Variants in PLPPR5 observed in about 807,000 individuals in gnomAD.
The protein encoded by PLPPR5 is phospholipid phosphatase-related protein type 5.
In PLPPR5, 16 loss-of-function variants were observed where a neutral mutation model predicts 33.9. That is an observed-to-expected ratio of 0.47 (90% CI 0.32 to 0.72). PLPPR5 has a LOEUF of 0.72. Among genes scored for constraint, PLPPR5 ranks in the 30% least tolerant of loss-of-function variants. The pLI is 0.03. For missense variants in PLPPR5, 301 were observed against 406.7 expected, an observed-to-expected ratio of 0.74 and a Z score of 2.23; for synonymous variants, 163 against 150.3, an observed-to-expected ratio of 1.08 and a Z score of -0.62.
Position 98,922,073 on chromosome 1 carries a change from A to AT in PLPPR5, c.622-16_622-15insA. 2 of 1,464,142 alleles carry AT rather than the reference A, an allele frequency of 1.4e-6. No homozygotes were observed. Among genetic ancestry groups the AT allele is most frequent in the Non-Finnish European group, 1.8e-6 (2 of 1,110,312 alleles). The allele number at this position is 1,464,142 out of a possible 1,614,324, so 90.7% of individuals were successfully genotyped here. ...GTGATGTACATCTGAAACATTCAATAAAAAAAATGACTTTTCATGAAGGTA... is the reference window on the plus strand; with the variant it reads ...GTGATGTACATCTGAAACATTCAATATAAAAAAATGACTTTTCATGAAGGTA... On this transcript the variant is annotated splice_polypyrimidine_tract_variant and intron_variant, in intron 3 of 5. Transcript: ENST00000263177.
chr1:98,905,393 G>A (rs1648857897), intron 5 of PLPPR5, among the ~76,000 whole-genome samples: 1 of 152,078 alleles, frequency 6.6e-6, no homozygotes, highest in Non-Finnish European at 1.5e-5. Flanking sequence ...TGACATGTGT[G>A]TTGTTTACAT....
chr1:98,977,547 C>G (rs910809905), intron 1 of PLPPR5, among the ~76,000 whole-genome samples: 1 of 147,928 alleles, frequency 6.8e-6, no homozygotes, highest in African/African-American at 2.5e-5. Flanking sequence ...TGCTATGATG[C>G]TTAGATAATA....
intron 3 of PLPPR5, 22 bp downstream of exon 3, chr1:98,953,048 C>T: frequency 6.2e-7 from 1 of 1,612,578 alleles, no homozygotes; most frequent in Non-Finnish European, 8.5e-7. Context: ...ACTAAGACAA[C>T]AAATTTATAA....
At chr1:98,915,415 A>G (rs1475491927) in intron 4 of PLPPR5, among the ~76,000 whole-genome samples, 1 of 152,160 alleles carries the variant, frequency 6.6e-6, no homozygotes, top group African/African-American at 2.4e-5. Flanking sequence ...CTTATCGTCT[A>G]TTATTGTGTC....
intron 1 of PLPPR5, among the ~76,000 whole-genome samples, chr1:98,994,722 A>G (rs1316021175): frequency 6.6e-6 from 1 of 152,160 alleles, no homozygotes; most frequent in Non-Finnish European, 1.5e-5. Flanking sequence ...CCCACTCCAA[A>G]GTCTTTTTGC....
In PLPPR5 at chr1:98,936,557, A is replaced by G. The variant is rs536941460; in HGVS notation, c.622-14499T>C. Among the ~76,000 whole-genome samples, 19 of 152,334 alleles carry G rather than the reference A, an allele frequency of 1.2e-4. 1 individual carries two copies. The highest frequency in any genetic ancestry group is 1.2e-3 in the Admixed American group (18 of 15,302). Reference sequence around the variant, plus strand: ...GGATCCCCTTCAGGCAGTATCTCCAACTATGGGATTGCTTAAAAGTTTTCC... The same window carrying G: ...GGATCCCCTTCAGGCAGTATCTCCAGCTATGGGATTGCTTAAAAGTTTTCC... On this transcript the variant is annotated intron_variant, in intron 3 of 5. Transcript: ENST00000263177.
intron 1 of PLPPR5, among the ~76,000 whole-genome samples, chr1:98,981,906 A>G (rs1652074749): frequency 6.6e-6 from 1 of 152,122 alleles, no homozygotes; most frequent in Admixed American, 6.6e-5. Context: ...CCTGAAGTTA[A>G]TTGAAGTTGT....
At chr1:98,966,934 G>C (rs150725803) in intron 1 of PLPPR5, among the ~76,000 whole-genome samples, 3 of 152,022 alleles carry the variant, frequency 2.0e-5, no homozygotes, top group Admixed American at 1.3e-4. Context: ...GCACATTCTC[G>C]GGCCCCACCC....
chr1:98,898,867 C>G (rs1381326115), intron 5 of PLPPR5, among the ~76,000 whole-genome samples: 1 of 152,030 alleles, frequency 6.6e-6, no homozygotes, highest in East Asian at 1.9e-4. Flanking sequence ...GAGAAAGGAG[C>G]TAACAGCTAC....
intron 1 of PLPPR5, among the ~76,000 whole-genome samples, chr1:98,997,998 A>G (rs1652688127): frequency 6.6e-6 from 1 of 152,180 alleles, no homozygotes; most frequent in African/African-American, 2.4e-5. Context: ...TGAAGGGAGA[A>G]AAAAACACTA....
At chr1:99,004,302 A>C in intron 1 of PLPPR5, 133 bp downstream of exon 1, 2 of 746,778 alleles carry the variant, frequency 2.7e-6, no homozygotes, top group Non-Finnish European at 4.2e-6. Context: ...CCTCTGGGGA[A>C]GGGGCTGCCC....
rs569659718 is a variant in PLPPR5 at position 98,990,490 on chromosome 1, T to C, written c.237+13945A>G. Reference sequence around the variant, plus strand: ...TATGTGCTATGTACTATTAAAGATATAGGAATGTGAAATAGTAATTACAGA... The same window carrying C: ...TATGTGCTATGTACTATTAAAGATACAGGAATGTGAAATAGTAATTACAGA... On this transcript the variant is annotated intron_variant, in intron 1 of 5. Coordinates refer to ENST00000263177, the MANE Select transcript of PLPPR5 (RefSeq NM_001037317.2). Among the ~76,000 whole-genome samples the C allele has an allele frequency of 1.3e-4, 20 of 152,266 alleles. No individual in the cohort carries two copies. The South Asian group carries it at 2.3e-3, about 17-fold the overall frequency.
rs113661489 is a variant in PLPPR5 at position 98,983,946 on chromosome 1, CTT to C, written c.237+20487_237+20488del. On this transcript the variant is annotated intron_variant, in intron 1 of 5. Transcript: ENST00000263177. Reference sequence around the variant, plus strand: ...CCACTTTTTGATGGGTTGTTTTTTTCTTTTTTTTTTTTTGAAATTCACATGTA... The same window carrying C: ...CCACTTTTTGATGGGTTGTTTTTTTCTTTTTTTTTTTGAAATTCACATGTA... 2.3e-3 allele frequency among the ~76,000 whole-genome samples: 322 copies of C among 141,806 alleles called. 2 individuals are homozygous for C. Among genetic ancestry groups the C allele is most frequent in the African/African-American group, 6.9e-3 (268 of 38,776 alleles). The allele number at this position is 141,806 out of a possible 152,430, so 93.0% of individuals were successfully genotyped here.
At chr1:98,908,471 T>A (rs986551931) in intron 5 of PLPPR5, among the ~76,000 whole-genome samples, 6 of 152,192 alleles carry the variant, frequency 3.9e-5, no homozygotes, top group Admixed American at 3.3e-4. Flanking sequence ...TTTCTTGGAC[T>A]CCTAAGGATA....
intron 1 of PLPPR5, among the ~76,000 whole-genome samples, chr1:98,963,790 C>T (rs1273032767): frequency 6.6e-6 from 1 of 152,164 alleles, no homozygotes; most frequent in Non-Finnish European, 1.5e-5. Context: ...CCTCTGGACT[C>T]CTCTGCTGTC....
chr1:99,005,208 A>T (rs1055987369), upstream of PLPPR5, among the ~76,000 whole-genome samples: 8 of 151,808 alleles, frequency 5.3e-5, no homozygotes, highest in Non-Finnish European at 1.2e-4. Flanking sequence ...GCTTCCAGAA[A>T]CTCTTCCGAG....
chr1:98,902,852 C>T (rs1468494521), intron 5 of PLPPR5, among the ~76,000 whole-genome samples: 2 of 152,090 alleles, frequency 1.3e-5, no homozygotes, highest in Admixed American at 6.6e-5. Context: ...TCACATAAAT[C>T]AGATGAGAAA....
At chr1:98,907,378 T>C (rs1054891604) in intron 5 of PLPPR5, among the ~76,000 whole-genome samples, 3 of 151,890 alleles carry the variant, frequency 2.0e-5, no homozygotes, top group African/African-American at 7.3e-5. Context: ...ATTTTTGTAT[T>C]TTTAGTAGAG....
chr1:98,982,268 C>T (rs1266319129), intron 1 of PLPPR5, among the ~76,000 whole-genome samples: 1 of 151,964 alleles, frequency 6.6e-6, no homozygotes, highest in East Asian at 1.9e-4. Flanking sequence ...TTATAGGATG[C>T]CAATGGTTTG....
Sources: allele counts gnomAD v4.1 joint callset (sites outside exome capture counted in the v4.1 genomes callset), GRCh38; gene constraint gnomAD v4.1.1; transcripts MANE v1.5; gene names NCBI Gene and HGNC (gene_info 2026-07-23, HGNC 2026-07-21).